The following LTN1 variants were observed in gnomAD, a reference collection of about 807,000 sequenced individuals.
The protein encoded by LTN1 is listerin E3 ubiquitin protein ligase 1.
A neutral mutation model predicts 201.2 loss-of-function variants in LTN1; 88 were observed. The observed-to-expected ratio is 0.44, with a 90% CI of 0.37 to 0.52. The LOEUF is 0.52. Ranked by LOEUF, LTN1 falls within the 20% of genes least tolerant of loss-of-function variation. The probability of loss-of-function intolerance (pLI) is 0.00; values close to 1 mark genes in which losing one functional copy is unlikely to be tolerated. For missense variants in LTN1, 1,752 were observed against 2,038.7 expected (o/e 0.86, Z 2.71); for synonymous variants, 645 against 713.5 (o/e 0.90, Z 1.53).
chr21:28,943,475 G>A, intron 23 of LTN1, 139 bp from the exon 24 acceptor site: 3 of 680,772 alleles, frequency 4.4e-6, no homozygotes, highest in Non-Finnish European at 5.0e-6. Context: ...ACTATAGCCA[G>A]GACTATTGAA....
chr21:28,951,166 T>G (rs2084379376), intron 18 of LTN1, among the ~76,000 whole-genome samples: 1 of 152,222 alleles, frequency 6.6e-6, no homozygotes, highest in African/African-American at 2.4e-5. Context: ...ATTCTTTGTA[T>G]TACTTCTTAC....
At chr21:28,961,020 C>G (rs1288449293) in intron 11 of LTN1, among the ~76,000 whole-genome samples, 1 of 151,562 alleles carries the variant, frequency 6.6e-6, no homozygotes, top group African/African-American at 2.4e-5. Flanking sequence ...ATGGAGTCTC[C>G]CCATCCACTC....
chr21:28,958,669 G>T, intron 13 of LTN1, 130 bp from the exon 14 acceptor site: 1 of 609,234 alleles, frequency 1.6e-6, no homozygotes, highest in Non-Finnish European at 2.7e-6. Flanking sequence ...ATTTTAAATT[G>T]CCATTCAAAA....
chr21:28,951,503 A>G (rs1360118008), intron 18 of LTN1, among the ~76,000 whole-genome samples: 2 of 152,200 alleles, frequency 1.3e-5, no homozygotes, highest in Non-Finnish European at 2.9e-5. Flanking sequence ...TCACTTCCAT[A>G]TAGCAAATAA....
chr21:28,966,231 C>T lies in LTN1; in HGVS notation c.2121+139G>A, dbSNP rs1448045427. ...AACATCTACCCAGCAGCCCTAGATA[C>T]TTCCCAAATCATGATCAAGAATATA... On this transcript the variant is annotated intron_variant, in intron 10 of 29. Coordinates refer to ENST00000361371, the MANE Select transcript of LTN1 (RefSeq NM_015565.3). 5 of 730,538 alleles carry T rather than the reference C, an allele frequency of 6.8e-6. No individual in the cohort carries two copies. The East Asian group carries it at 1.3e-4, about 20-fold the overall frequency. 45.3% of individuals were successfully genotyped at this position (730,538 alleles called of 1,614,324 possible).
intron 17 of LTN1, among the ~76,000 whole-genome samples, chr21:28,952,927 G>A (rs766588557): frequency 2.0e-5 from 3 of 152,148 alleles, no homozygotes; most frequent in Admixed American, 6.5e-5. Flanking sequence ...CTGGGAGGAT[G>A]AGTCACAGAT....
Position 28,944,473 on chromosome 21 carries a change from T to G in LTN1, c.3892A>C (p.Asn1298His). ...TCACTGATTAGATTTACAGGAAGAT[T>G]GCCAATGGTATCCAGAGTTGTGGAA... ...FDSTTLDTIG[N>H]LPVNLISEWK... is the part of the protein sequence containing the mutation. Residue 1298 changes from asparagine to histidine, a missense_variant, in exon 22 of 30, where the codon AAT becomes CAT. Asn to His is a moderately conservative substitution (Grantham distance 68). Coordinates refer to ENST00000361371, the MANE Select transcript of LTN1 (RefSeq NM_015565.3). The G allele has an allele frequency of 6.2e-7, 1 of 1,613,988 alleles. No homozygotes were observed. Among genetic ancestry groups the G allele is most frequent in the Non-Finnish European group, 8.5e-7 (1 of 1,179,904 alleles).
chr21:28,930,314 C>G lies in LTN1; in HGVS notation c.*134G>C, dbSNP rs2084200777. 1.8e-6 allele frequency: 1 copy of G among 554,536 alleles called. No homozygotes were observed. The highest frequency in any genetic ancestry group is 3.2e-6 in the Non-Finnish European group (1 of 313,728). 34.4% of individuals were successfully genotyped at this position (554,536 alleles called of 1,614,324 possible). ...CTGATTTTAGGATTATTACATTAAC[C>G]AAAATAATTTTCCAGAGAAGGTCCT... is the stretch of plus-strand genomic sequence containing the variant. On this transcript the variant is annotated 3_prime_UTR_variant, in exon 30 of 30. Coordinates refer to ENST00000361371, the MANE Select transcript of LTN1 (RefSeq NM_015565.3).
Position 28,956,775 on chromosome 21 carries a change from C to T in LTN1, c.3066G>A (p.Glu1022=). ...LRKETVLENN[E]LEKIIAELLY... ...ATATATACTTACTTATTTTCTCAAG[C>T]TCATTATTTTCTAAGACTGTTTCCT... The change falls in exon 16 of 30, where the codon GAG becomes GAA. Residue 1022 remains glutamate (E), a synonymous_variant. Coordinates refer to ENST00000361371, the MANE Select transcript of LTN1 (RefSeq NM_015565.3). 1 of 1,586,848 alleles carries T rather than the reference C, an allele frequency of 6.3e-7. No individual in the cohort carries two copies.
chr21:28,942,507 T>C lies in LTN1; in HGVS notation c.4295+755A>G, dbSNP rs192593770. On this transcript the variant is annotated intron_variant, in intron 24 of 29. Transcript: ENST00000361371. ...TTCTAGCCTATTTCTCTCTCAGAAA[T>C]AAGAGAGAGAAATTCCTGCCCTCAC... 2.6e-4 allele frequency among the ~76,000 whole-genome samples: 40 copies of C among 152,222 alleles called. No homozygotes were observed. The East Asian group carries it at 7.1e-3, about 27-fold the overall frequency.
intron 1 of LTN1, among the ~76,000 whole-genome samples, chr21:28,987,329 A>G (rs2084705964): frequency 6.6e-6 from 1 of 152,244 alleles, no homozygotes; most frequent in African/African-American, 2.4e-5. Context: ...CTTTCATATA[A>G]ATAGTATGTA....
intron 4 of LTN1, 100 bp downstream of exon 4, chr21:28,984,592 C>T (rs1045479508): frequency 1.5e-4 from 116 of 759,284 alleles, no homozygotes; most frequent in Non-Finnish European, 2.1e-5. Flanking sequence ...ACTCTACTTA[C>T]TCATTCCCCT....
At chr21:28,934,600 G>A (rs1309091118) in intron 27 of LTN1, among the ~76,000 whole-genome samples, 2 of 152,014 alleles carry the variant, frequency 1.3e-5, no homozygotes, top group African/African-American at 2.4e-5. Flanking sequence ...GATTACTGGC[G>A]CCCGCCACCA....
chr21:28,992,710 A>G, intron 1 of LTN1, 54 bp downstream of exon 1: 8 of 1,605,212 alleles, frequency 5.0e-6, no homozygotes, highest in Non-Finnish European at 6.8e-6. Context: ...CGCTGGGCGG[A>G]GCCAGCCGCC....
At chr21:28,969,970 G>A (rs769951786) in intron 8 of LTN1, among the ~76,000 whole-genome samples, 6 of 151,702 alleles carry the variant, frequency 4.0e-5, no homozygotes, top group Non-Finnish European at 7.4e-5. Flanking sequence ...GAGGCACCAC[G>A]CCTAGCCGAG....
chr21:28,971,352 AACT>A lies in LTN1; in HGVS notation c.900_902del (p.Val301del). 1 of 1,613,808 alleles carries A rather than the reference AACT, an allele frequency of 6.2e-7. No homozygotes were observed. Among genetic ancestry groups the A allele is most frequent in the South Asian group, 1.1e-5 (1 of 91,084 alleles). On this transcript the variant is annotated inframe_deletion, in exon 7 of 30. Coordinates refer to ENST00000361371, the MANE Select transcript of LTN1 (RefSeq NM_015565.3). ...GGTCACTGTCATCAATGCTAAGTAGAACTGATGGGCTCACTTTGGATGCTTCCT... is the reference window on the plus strand; with the variant it reads ...GGTCACTGTCATCAATGCTAAGTAGAGATGGGCTCACTTTGGATGCTTCCT...
chr21:28,944,437 A>G lies in LTN1; in HGVS notation c.3928T>C (p.Phe1310Leu). 2 of 1,614,014 alleles carry G rather than the reference A, an allele frequency of 1.2e-6. No individual in the cohort carries two copies. Among genetic ancestry groups the G allele is most frequent in the South Asian group, 2.2e-5 (2 of 91,078 alleles). ...AAACTGTGGATGCCTTGGGAAAAAA[A>G]TTCTTTCCATTCACTGATTAGATTT... ...PVNLISEWKE[F>L]FSQGIHSLLL... Residue 1310 changes from phenylalanine to leucine, a missense_variant, in exon 22 of 30, where the codon TTT (phenylalanine) becomes CTT (leucine). Transcript: ENST00000361371.
At position 28,986,264 on chromosome 21, in the gene LTN1, G is replaced by T; in HGVS notation, c.247-27C>A. ...TAAAAGTAAGTTATTAACATCATTA[G>T]GATTAACAACCATAATAACTGGCTA... On this transcript the variant is annotated intron_variant, in intron 2 of 29. Coordinates refer to ENST00000361371, the MANE Select transcript of LTN1 (RefSeq NM_015565.3). This position sits in a 1 kb window ranked among gnomAD's most constrained non-coding sequence, Gnocchi z 4.1. 2 of 1,308,780 alleles carry T rather than the reference G, an allele frequency of 1.5e-6. No homozygotes were observed. The highest frequency in any genetic ancestry group is 1.2e-5 in the South Asian group (1 of 82,850). 81.1% of individuals were successfully genotyped at this position (1,308,780 alleles called of 1,614,324 possible).
In LTN1 at chr21:28,981,196, C is replaced by G. The variant is rs1189845715; in HGVS notation, c.733G>C (p.Asp245His). The G allele has an allele frequency of 7.5e-6, 12 of 1,599,870 alleles. No individual in the cohort carries two copies. The highest frequency in any genetic ancestry group is 1.0e-5 in the Non-Finnish European group (12 of 1,175,746). The part of the protein sequence containing the change: ...LLCLLPDNEL[D>H]SLEEKFKSLL... ...GACTTAAATTTCTCCTCCAGAGAAT[C>G]AAGCTCATTATCAGGTAAAAGGCAA... is the stretch of plus-strand genomic sequence containing the variant. The change falls in exon 6 of 30, where the codon GAT (aspartate) becomes CAT (histidine). Residue 245 changes from aspartate (D) to histidine (H), a missense_variant. By Grantham distance (81) the Asp-to-His change is moderately conservative (BLOSUM62 -1). Transcript: ENST00000361371.
Sources: allele counts gnomAD v4.1 joint callset (sites outside exome capture counted in the v4.1 genomes callset), GRCh38; gene constraint gnomAD v4.1.1; non-coding constraint Gnocchi (gnomAD v3.1); transcripts MANE v1.5; gene names NCBI Gene and HGNC (gene_info 2026-07-23, HGNC 2026-07-21).